Variants in SLC30A7 observed in about 807,000 individuals in gnomAD.
SLC30A7 encodes the protein solute carrier family 30 member 7.
SLC30A7 carries 35 observed loss-of-function variants against 46.0 expected under a neutral mutation model. The observed-to-expected ratio is 0.76, with a 90% CI of 0.58 to 1.01. SLC30A7 has a LOEUF of 1.01. SLC30A7 is among the 50% of genes least tolerant of loss of function. The pLI, the probability that SLC30A7 is intolerant of heterozygous loss-of-function variation, is 0.00. For synonymous variants in SLC30A7, 147 were observed against 157.8 expected, an observed-to-expected ratio of 0.93 and a Z score of 0.51; for missense variants, 464 against 451.1, an observed-to-expected ratio of 1.03 and a Z score of -0.26.
the SLC30A7 span, chr1:100,989,622 A>AAT: frequency 6.6e-6 from 1 of 152,226 alleles, no homozygotes; most frequent in Non-Finnish European, 1.5e-5. Context: ...TTATAAACAT[A>AAT]TTTTGTGAAC....
Position 100,896,577 on chromosome 1 carries a change from C to G in SLC30A7, c.88C>G (p.Leu30Val). 2 of 1,613,992 alleles carry G rather than the reference C, an allele frequency of 1.2e-6. No homozygotes were observed. Among genetic ancestry groups the G allele is most frequent in the Non-Finnish European group, 1.7e-6 (2 of 1,179,876 alleles). Residue 30 changes from leucine (L) to valine (V), a missense_variant, in exon 2 of 11, where the codon CTG becomes GTG. Physicochemically the swap from Leu to Val is conservative, Grantham distance 32. Coordinates refer to ENST00000357650, the MANE Select transcript of SLC30A7 (RefSeq NM_133496.5). ...GKISGWFRSI[L>V]SDKTSRNLFF... ...CACGTGTATCATTCCCAGGTCTATA[C>G]TGTCCGACAAGACTTCCCGGAACCT...
intron 8 of SLC30A7, among the ~76,000 whole-genome samples, chr1:100,931,566 C>T (rs1397668140): frequency 6.6e-6 from 1 of 151,942 alleles, no homozygotes; most frequent in Non-Finnish European, 1.5e-5. Context: ...TTTTACTGTT[C>T]AGTTACCAGA....
rs1226218382 is a variant in SLC30A7 at position 100,915,184 on chromosome 1, TTTTC to T, written c.655+1386_655+1389del. Among the ~76,000 whole-genome samples, 241 of 141,424 alleles carry T rather than the reference TTTTC, an allele frequency of 1.7e-3. 2 individuals are homozygous for T. The highest frequency in any genetic ancestry group is 5.2e-3 in the African/African-American group (203 of 38,824). 92.8% of individuals were successfully genotyped at this position (141,424 alleles called of 152,430 possible). On this transcript the variant is annotated intron_variant, in intron 6 of 10. Coordinates refer to ENST00000357650, the MANE Select transcript of SLC30A7 (RefSeq NM_133496.5). ...CTCACTTCTTTTCTTTTTTCTTTTC[TTTTC>T]TTTCTTTTCTTTCTTTCTTTCTTTC...
At chr1:100,990,713 G>A in the SLC30A7 span, 1 of 1,324,932 alleles carries the variant, frequency 7.5e-7, no homozygotes, top group Non-Finnish European at 1.1e-6. Context: ...AGTACCACAA[G>A]TACATTTCAA....
intron 10 of SLC30A7, among the ~76,000 whole-genome samples, chr1:100,971,013 CTT>C (rs1176945456): frequency 1.3e-5 from 2 of 152,094 alleles, no homozygotes; most frequent in African/African-American, 4.8e-5. Flanking sequence ...CTTTTCTACT[CTT>C]TTGCCTTTCT....
At chr1:100,916,798 T>C (rs1652591621) in intron 6 of SLC30A7, among the ~76,000 whole-genome samples, 1 of 146,896 alleles carries the variant, frequency 6.8e-6, no homozygotes, top group Non-Finnish European at 1.5e-5. Context: ...ATCCTTCTAC[T>C]CTCTGCTTCC....
chr1:100,899,090 CTT>C (rs1157600816), intron 2 of SLC30A7, among the ~76,000 whole-genome samples: 3 of 152,194 alleles, frequency 2.0e-5, no homozygotes, highest in African/African-American at 4.8e-5. Context: ...GAGTAGGTCT[CTT>C]CAGTGGAACA....
chr1:100,930,899 C>T lies in SLC30A7; in HGVS notation c.842+9058C>T, dbSNP rs532671828. Among the ~76,000 whole-genome samples the T allele has an allele frequency of 1.1e-4, 16 of 152,188 alleles. No homozygotes were observed. The South Asian group carries it at 3.1e-3, about 30-fold the overall frequency. On this transcript the variant is annotated intron_variant, in intron 8 of 10. Transcript: ENST00000357650. ...AACTGATTAGTCTAACAGCCTTTCT[C>T]AATTGGGAAAGAACACCCTAATACT...
In SLC30A7 at chr1:100,896,154, C is replaced by A; in HGVS notation, c.-109C>A. 2.1e-6 allele frequency: 2 copies of A among 969,506 alleles called. No individual in the cohort carries two copies. Among genetic ancestry groups the A allele is most frequent in the Non-Finnish European group, 3.3e-6 (2 of 610,578 alleles). The allele number at this position is 969,506 out of a possible 1,614,324, so 60.1% of individuals were successfully genotyped here. ...TGTGTCTCGCAGCGGCGCGCGGCCCCGGACAAGCGCTGGGGATTCCCGTTT... is the reference window on the plus strand; with the variant it reads ...TGTGTCTCGCAGCGGCGCGCGGCCCAGGACAAGCGCTGGGGATTCCCGTTT... On this transcript the variant is annotated 5_prime_UTR_variant, in exon 1 of 11. Transcript: ENST00000357650.
intron 8 of SLC30A7, 29 bp from the exon 9 acceptor site, chr1:100,961,799 T>C: frequency 2.8e-6 from 4 of 1,412,938 alleles, no homozygotes; most frequent in Non-Finnish European, 4.0e-6. Flanking sequence ...AATGTGACTT[T>C]AATAAATTGT....
chr1:100,973,625 T>A lies in SLC30A7; in HGVS notation c.1084-1185T>A, dbSNP rs556304094. Among the ~76,000 whole-genome samples, 24 of 152,198 alleles carry A rather than the reference T, an allele frequency of 1.6e-4. No homozygotes were observed. In the South Asian group the frequency reaches 4.8e-3, roughly 30 times the overall value. Reference sequence around the variant, plus strand: ...GTATAATACATCGCAAGGTGATAAGTTTACTGGGAGTGCTGAGGTATTTAC... The same window carrying A: ...GTATAATACATCGCAAGGTGATAAGATTACTGGGAGTGCTGAGGTATTTAC... On this transcript the variant is annotated intron_variant, in intron 10 of 10. Coordinates refer to ENST00000357650, the MANE Select transcript of SLC30A7 (RefSeq NM_133496.5).
chr1:100,966,012 C>A, intron 10 of SLC30A7, 94 bp downstream of exon 10: 1 of 1,124,760 alleles, frequency 8.9e-7, no homozygotes, highest in Non-Finnish European at 1.3e-6. Flanking sequence ...GAGAGGATGG[C>A]TTGAGGCTAG....
intron 8 of SLC30A7, among the ~76,000 whole-genome samples, chr1:100,938,209 G>A (rs1316386713): frequency 2.0e-5 from 3 of 151,988 alleles, no homozygotes; most frequent in Non-Finnish European, 2.9e-5. Flanking sequence ...ACTATTATGG[G>A]TTTCTTGAGA....
chr1:100,937,112 A>G (rs907850902), intron 8 of SLC30A7, among the ~76,000 whole-genome samples: 6 of 152,120 alleles, frequency 3.9e-5, no homozygotes, highest in African/African-American at 1.4e-4. Context: ...TTATTTATTT[A>G]CCTTCTCAGT....
chr1:100,995,040 T>C, the SLC30A7 span: 1 of 1,116,416 alleles, frequency 9.0e-7, no homozygotes, highest in East Asian at 2.4e-5. Context: ...ACTCAGGTCA[T>C]TTAAGTAGAA....
At chr1:100,929,080 A>G (rs749411531) in intron 8 of SLC30A7, among the ~76,000 whole-genome samples, 7 of 142,026 alleles carry the variant, frequency 4.9e-5, no homozygotes, top group Non-Finnish European at 9.4e-5. Context: ...TGAGGGAGAA[A>G]CTATATATAG....
rs77417890 is a variant in SLC30A7, at chr1:100,903,826, G to A, written c.183-3026G>A. ...ATTTAAAACCATGCTTTTTCTGTAT[G>A]TGTGAAGAATGTTTTTGACTTTTAG... is the stretch of plus-strand genomic sequence containing the variant. On this transcript the variant is annotated intron_variant, in intron 2 of 10. Transcript: ENST00000357650. Among the ~76,000 whole-genome samples, 25 of 152,148 alleles carry A rather than the reference G, an allele frequency of 1.6e-4. 1 individual carries two copies. The East Asian group carries it at 3.3e-3, about 20-fold the overall frequency.
chr1:100,990,307 G>A, the SLC30A7 span: 5 of 1,081,964 alleles, frequency 4.6e-6, no homozygotes, highest in Non-Finnish European at 5.5e-6. Flanking sequence ...TGGGAATTAT[G>A]AGGATTAAAA....
chr1:100,981,989 C>T (rs960076541), downstream of SLC30A7, among the ~76,000 whole-genome samples: 4 of 152,180 alleles, frequency 2.6e-5, no homozygotes, highest in Non-Finnish European at 4.4e-5. Context: ...AAACATGTCT[C>T]GAAGTATTTA....
Sources: allele counts gnomAD v4.1 joint callset (sites outside exome capture counted in the v4.1 genomes callset), GRCh38; gene constraint gnomAD v4.1.1; transcripts MANE v1.5; gene names NCBI Gene and HGNC (gene_info 2026-07-23, HGNC 2026-07-21).